The following PARP3 variants were observed in gnomAD, a reference collection of about 807,000 sequenced individuals.
The protein encoded by PARP3 is protein mono-ADP-ribosyltransferase PARP3.
In PARP3, 46 loss-of-function variants were observed where a neutral mutation model predicts 58.2. The observed-to-expected ratio is 0.79, with a 90% CI of 0.62 to 1.01. The LOEUF (loss-of-function observed/expected upper bound fraction) is 1.01. Ranked by LOEUF, PARP3 falls within the 50% of genes least tolerant of loss-of-function variation. PARP3 has a pLI of 0.00. For synonymous variants in PARP3, 252 were observed against 266.4 expected (o/e 0.95, Z 0.53); for missense variants, 663 against 683.9 (o/e 0.97, Z 0.34).
chr3:51,944,449 C>A lies in PARP3; in HGVS notation c.372C>A (p.Asp124Glu). 6.2e-7 allele frequency: 1 copy of A among 1,614,130 alleles called. No individual in the cohort carries two copies. ...HFTRLEDAKK[D>E]FEKKFREKTK... ...CAAGGCTAGAAGATGCAAAGAAGGA[C>A]TTTGAGAAGAAATTTCGGGAAAAGA... Residue 124 changes from aspartate to glutamate, a missense_variant, in exon 4 of 11, where the codon GAC (aspartate) becomes GAA (glutamate). By Grantham distance (45) the Asp-to-Glu change is conservative. Around this residue, in one of 3 missense-constraint regions of PARP3, gnomAD observed 567 missense variants for 553.6 expected, o/e 1.02. Transcript: ENST00000398755. The surrounding 1 kb of genome is among the most constrained non-coding windows in gnomAD (Gnocchi z 4.2).
chr3:51,947,613 G>T, intron 9 of PARP3, 127 bp from the exon 10 acceptor site: 1 of 975,738 alleles, frequency 1.0e-6, no homozygotes, highest in Non-Finnish European at 1.5e-6. Context: ...GTGACGGTTG[G>T]GGGAGAGTGA....
rs34224216 is a variant in PARP3, at chr3:51,944,177, G to A, written c.272G>A (p.Ser91Asn). The A allele has an allele frequency of 6.6e-4, 1,058 of 1,613,946 alleles. 5 individuals carry two copies. In the African/African-American group the frequency reaches 0.012, roughly 18 times the overall value. The change falls in exon 3 of 11, where the codon AGC (serine) becomes AAC (asparagine). Residue 91 changes from serine to asparagine, a missense_variant. By Grantham distance (46) the Ser-to-Asn change is conservative. Coordinates refer to ENST00000398755, the MANE Select transcript of PARP3 (RefSeq NM_001003931.4). The surrounding 1 kb of genome is among the most constrained non-coding windows in gnomAD (Gnocchi z 4.2). Reference sequence around the variant, plus strand: ...TACATCATCCAGCTGCTCCAAGACAGCAACCGCTTCTTCACCTGCTGGAAC... The same window carrying A: ...TACATCATCCAGCTGCTCCAAGACAACAACCGCTTCTTCACCTGCTGGAAC... ...KFYIIQLLQD[S>N]NRFFTCWNRW...
chr3:51,945,484 C>T lies in PARP3; in HGVS notation c.862-11C>T, dbSNP rs1360115456. The T allele has an allele frequency of 1.2e-6, 2 of 1,612,158 alleles. No individual in the cohort carries two copies. ...AGTGGGAAGACAAACTGCCAGGGCC[C>T]ATCATCCTAGGTGCTGGCGGACATC... is the stretch of plus-strand genomic sequence containing the variant. On this transcript the variant is annotated splice_polypyrimidine_tract_variant and intron_variant, in intron 6 of 10. Coordinates refer to ENST00000398755, the MANE Select transcript of PARP3 (RefSeq NM_001003931.4).
In PARP3 at chr3:51,944,621, G is replaced by A. The variant is rs763373526; in HGVS notation, c.501+43G>A. 11 of 1,602,944 alleles carry A rather than the reference G, an allele frequency of 6.9e-6. No individual in the cohort carries two copies. Among genetic ancestry groups the A allele is most frequent in the Non-Finnish European group, 9.4e-6 (11 of 1,172,040 alleles). ...GGTGGGCAGGCCCTGGACTGAGGGA[G>A]GGGACTCGTTGGAGAGTTCCCGCTG... On this transcript the variant is annotated intron_variant, in intron 4 of 10. Coordinates refer to ENST00000398755, the MANE Select transcript of PARP3 (RefSeq NM_001003931.4). This position sits in a 1 kb window ranked among gnomAD's most constrained non-coding sequence, Gnocchi z 4.2.
Position 51,944,469 on chromosome 3 carries a change from A to G in PARP3, c.392A>G (p.Glu131Gly). The change falls in exon 4 of 11, where the codon GAA becomes GGA. Residue 131 changes from glutamate to glycine, a missense_variant. By Grantham distance (98) the Glu-to-Gly change is moderately conservative. This residue lies in a region of PARP3 where 567 missense variants were observed against 553.6 expected (regional missense o/e 1.02). Transcript: ENST00000398755. This position sits in a 1 kb window ranked among gnomAD's most constrained non-coding sequence, Gnocchi z 4.2. ...AAGGACTTTGAGAAGAAATTTCGGG[A>G]AAAGACCAAGAACAACTGGGCAGAG... is the stretch of plus-strand genomic sequence containing the variant. The part of the protein sequence containing the change: ...AKKDFEKKFR[E>G]KTKNNWAERD... 1.2e-6 allele frequency: 2 copies of G among 1,614,168 alleles called. No homozygotes were observed. The highest frequency in any genetic ancestry group is 1.7e-6 in the Non-Finnish European group (2 of 1,180,038).
At chr3:51,948,255 G>T (rs931714156) in intron 10 of PARP3, 56 bp from the exon 11 acceptor site, 6 of 1,535,788 alleles carry the variant, frequency 3.9e-6, no homozygotes, top group African/African-American at 1.4e-5. Flanking sequence ...GGACTTACTC[G>T]TAAGGCCTGG....
rs139392187 is a variant in PARP3, at chr3:51,944,078, C to G, written c.184-11C>G. 438 of 1,612,866 alleles carry G rather than the reference C, an allele frequency of 2.7e-4. 2 individuals are homozygous for G. The highest frequency in any genetic ancestry group is 3.3e-4 in the Non-Finnish European group (394 of 1,179,500). On this transcript the variant is annotated splice_polypyrimidine_tract_variant and intron_variant, in intron 2 of 10. Transcript: ENST00000398755. The surrounding 1 kb of genome is among the most constrained non-coding windows in gnomAD (Gnocchi z 4.2). ...CCAGCCAGCCTGCCCCCCACCTCCC[C>G]TCTGGCCCAGGTGTATGAGGACTAC... is the stretch of plus-strand genomic sequence containing the variant.
intron 1 of PARP3, 127 bp from the exon 2 acceptor site, chr3:51,943,227 G>A (rs563331162): frequency 2.5e-4 from 273 of 1,086,618 alleles, no homozygotes; most frequent in Non-Finnish European, 3.3e-4. Context: ...GGAGGCCACC[G>A]AAGGGCCAAC....
chr3:51,943,890 C>T (rs1367766017), intron 2 of PARP3, among the ~76,000 whole-genome samples, 199 bp from the exon 3 acceptor site: 1 of 151,096 alleles, frequency 6.6e-6, no homozygotes, highest in South Asian at 2.1e-4. Flanking sequence ...ACCCCCCATA[C>T]CTCCATGTCA....
rs748452170 is a variant in PARP3, at chr3:51,946,499, C to CG, written c.1276+162dup. ...AGTGGGCTGTCCTGGGCTTTGGTGG[C>CG]GGGGGGTCTTAGAGAAAGTGTCTGA... On this transcript the variant is annotated intron_variant, in intron 9 of 10. Transcript: ENST00000398755. This position sits in a 1 kb window ranked among gnomAD's most constrained non-coding sequence, Gnocchi z 4.6. Among the ~76,000 whole-genome samples the CG allele has an allele frequency of 6.6e-6, 1 of 151,882 alleles. No homozygotes were observed. The highest frequency in any genetic ancestry group is 1.5e-5 in the Non-Finnish European group (1 of 67,988).
chr3:51,945,012 C>A lies in PARP3; in HGVS notation c.649C>A (p.Pro217Thr), dbSNP rs771324673. ...ALMDLDVKKMPLGKLSKQQIA... is the reference protein window; with the variant it reads ...ALMDLDVKKMTLGKLSKQQIA... Reference sequence around the variant, plus strand: ...TGTCCCCCTAGATGTGAAGAAGATGCCCCTGGGAAAGCTGAGCAAGCAACA... The same window carrying A: ...TGTCCCCCTAGATGTGAAGAAGATGACCCTGGGAAAGCTGAGCAAGCAACA... Residue 217 changes from proline to threonine, a missense_variant, in exon 6 of 11, where the codon CCC becomes ACC. Pro to Thr is a conservative substitution (Grantham distance 38). Transcript: ENST00000398755. The A allele has an allele frequency of 1.2e-6, 2 of 1,613,852 alleles. No individual in the cohort carries two copies. The highest frequency in any genetic ancestry group is 2.2e-5 in the South Asian group (2 of 91,078).
chr3:51,947,476 A>G (rs1377863866), intron 9 of PARP3: 1 of 494,466 alleles, frequency 2.0e-6, no homozygotes, highest in Non-Finnish European at 3.6e-6. Context: ...CCAGGGAGAA[A>G]AGCCCCTGCC....
chr3:51,944,483 A>C lies in PARP3; in HGVS notation c.406A>C (p.Asn136His). Reference protein sequence around the residue: ...EKKFREKTKNNWAERDHFVSH... With the variant: ...EKKFREKTKNHWAERDHFVSH... ...GAAATTTCGGGAAAAGACCAAGAAC[A>C]ACTGGGCAGAGCGGGACCACTTTGT... Residue 136 changes from asparagine to histidine, a missense_variant, in exon 4 of 11, where the codon AAC becomes CAC. Transcript: ENST00000398755. The surrounding 1 kb of genome is among the most constrained non-coding windows in gnomAD (Gnocchi z 4.2). 1 of 1,614,172 alleles carries C rather than the reference A, an allele frequency of 6.2e-7. No individual in the cohort carries two copies. Among genetic ancestry groups the C allele is most frequent in the Non-Finnish European group, 8.5e-7 (1 of 1,180,030 alleles).
Position 51,948,562 on chromosome 3 carries a change from A to C in PARP3, c.*82A>C. On this transcript the variant is annotated 3_prime_UTR_variant, in exon 11 of 11. Transcript: ENST00000398755. ...TGCCCATCTCTGGTACCCCTATATC[A>C]CTCCTTTTTTTCAAGAATACAATAC... 3 of 1,211,120 alleles carry C rather than the reference A, an allele frequency of 2.5e-6. No homozygotes were observed. The highest frequency in any genetic ancestry group is 1.2e-6 in the Non-Finnish European group (1 of 852,234). The allele number at this position is 1,211,120 out of a possible 1,614,324, so 75.0% of individuals were successfully genotyped here.
In PARP3 at chr3:51,944,538, A is replaced by G; in HGVS notation, c.461A>G (p.Glu154Gly). 1 of 1,614,184 alleles carries G rather than the reference A, an allele frequency of 6.2e-7. No homozygotes were observed. Among genetic ancestry groups the G allele is most frequent in the Non-Finnish European group, 8.5e-7 (1 of 1,180,020 alleles). Residue 154 changes from glutamate to glycine, a missense_variant, in exon 4 of 11, where the codon GAA becomes GGA. Around this residue, in one of 3 missense-constraint regions of PARP3, gnomAD observed 567 missense variants for 553.6 expected, o/e 1.02. Coordinates refer to ENST00000398755, the MANE Select transcript of PARP3 (RefSeq NM_001003931.4). This position sits in a 1 kb window ranked among gnomAD's most constrained non-coding sequence, Gnocchi z 4.2. ...CACCCGGGCAAGTACACACTTATCG[A>G]AGTACAGGCAGAGGATGAGGCCCAG... ...VSHPGKYTLI[E>G]VQAEDEAQEA...
chr3:51,948,411 C>T lies in PARP3; in HGVS notation c.1533C>T (p.Ser511=). The change falls in exon 11 of 11, where the codon TCC becomes TCT. Residue 511 remains serine (S), a synonymous_variant. Coordinates refer to ENST00000398755, the MANE Select transcript of PARP3 (RefSeq NM_001003931.4). ...PCPEFSSSTF[S]QSEYLIYQES... is the part of the protein sequence containing the mutation. The stretch of plus-strand genomic sequence containing the variant: ...CAGAGTTCAGCAGCTCCACATTCTC[C>T]CAGAGCGAGTACCTCATCTACCAGG... 6.2e-7 allele frequency: 1 copy of T among 1,614,178 alleles called. No individual in the cohort carries two copies. Among genetic ancestry groups the T allele is most frequent in the Non-Finnish European group, 8.5e-7 (1 of 1,180,004 alleles).
rs754332150 is a variant in PARP3 at position 51,945,137 on chromosome 3, C to T, written c.774C>T (p.Tyr258=). The T allele has an allele frequency of 9.9e-6, 16 of 1,614,120 alleles. No individual in the cohort carries two copies. Among genetic ancestry groups the T allele is most frequent in the Non-Finnish European group, 1.4e-5 (16 of 1,180,056 alleles). The change falls in exon 6 of 11, where the codon TAC becomes TAT. Residue 258 remains tyrosine (Y), a synonymous_variant. Coordinates refer to ENST00000398755, the MANE Select transcript of PARP3 (RefSeq NM_001003931.4). The part of the protein sequence containing the change: ...QSLEELSSHF[Y]TVIPHNFGHS... ...TGGAGGAGCTGTCCTCACACTTTTACACCGTCATCCCGCACAACTTCGGCC... is the reference window on the plus strand; with the variant it reads ...TGGAGGAGCTGTCCTCACACTTTTATACCGTCATCCCGCACAACTTCGGCC...
In PARP3 at chr3:51,946,483, T is replaced by C. The variant is rs1699679766; in HGVS notation, c.1276+140T>C. ...AATGACTACAGTGCTCAGTGGGCTG[T>C]CCTGGGCTTTGGTGGCGGGGGGTCT... On this transcript the variant is annotated intron_variant, in intron 9 of 10. Coordinates refer to ENST00000398755, the MANE Select transcript of PARP3 (RefSeq NM_001003931.4). This position sits in a 1 kb window ranked among gnomAD's most constrained non-coding sequence, Gnocchi z 4.6. The C allele has an allele frequency of 2.8e-6, 2 of 721,270 alleles. No individual in the cohort carries two copies. Among genetic ancestry groups the C allele is most frequent in the South Asian group, 4.1e-5 (2 of 48,674 alleles). The allele number at this position is 721,270 out of a possible 1,614,324, so 44.7% of individuals were successfully genotyped here.
Position 51,947,889 on chromosome 3 carries a change from G to A in PARP3, c.1426G>A (p.Glu476Lys), listed in dbSNP as rs376234079. ...FDSVIARGHT[E>K]PDPTQDTELE... ...CAGTGTCATTGCCCGAGGCCACACC[G>A]AGCCTGGTGAGTCCTCAGAAGCTGT... Residue 476 changes from glutamate (E) to lysine (K), a missense_variant, in exon 10 of 11, where the codon GAG (glutamate) becomes AAG (lysine). Coordinates refer to ENST00000398755, the MANE Select transcript of PARP3 (RefSeq NM_001003931.4). 70 of 1,613,646 alleles carry A rather than the reference G, an allele frequency of 4.3e-5. No homozygotes were observed. Among genetic ancestry groups the A allele is most frequent in the East Asian group, 3.3e-4 (15 of 44,900 alleles).
Sources: allele counts gnomAD v4.1 joint callset (sites outside exome capture counted in the v4.1 genomes callset), GRCh38; gene constraint gnomAD v4.1.1; regional missense constraint gnomAD v4.1.1; non-coding constraint Gnocchi (gnomAD v3.1); transcripts MANE v1.5; gene names NCBI Gene and HGNC (gene_info 2026-07-23, HGNC 2026-07-21).